Variants in BBS1 observed in about 807,000 individuals in gnomAD.
The protein encoded by BBS1 is BBSome complex member BBS1.
Under a neutral mutation model 73.9 loss-of-function variants are expected in BBS1, and 60 were observed. The observed-to-expected ratio is 0.81, with a 90% CI of 0.66 to 1.01. The LOEUF (loss-of-function observed/expected upper bound fraction) is 1.01. Ranked by LOEUF, BBS1 falls within the 50% of genes least tolerant of loss-of-function variation. BBS1 has a pLI of 0.00. For synonymous variants in BBS1, 283 were observed against 317.4 expected, an observed-to-expected ratio of 0.89 and a Z score of 1.15; for missense variants, 718 against 770.3, an observed-to-expected ratio of 0.93 and a Z score of 0.80.
chr11:66,522,720 AT>A, intron 9 of BBS1: 1 of 205,330 alleles, frequency 4.9e-6, no homozygotes, highest in South Asian at 8.3e-5. Flanking sequence ...GGTATTAGGG[AT>A]ATATTGATGA....
chr11:66,521,404 G>A (rs1013081160), intron 9 of BBS1, 28 bp downstream of exon 9: 7 of 1,571,400 alleles, frequency 4.5e-6, no homozygotes, highest in Admixed American at 1.7e-5. Flanking sequence ...CTCCGGGGCC[G>A]GGAGGAACAT....
chr11:66,526,919 CTAGGTAGG>C (rs1856537034), intron 13 of BBS1, 112 bp downstream of exon 13: 1 of 1,604,524 alleles, frequency 6.2e-7, no homozygotes, highest in East Asian at 2.2e-5. Flanking sequence ...TCTCGGCCAA[CTAGGTAGG>C]TCACTCACCT....
At chr11:66,524,912 G>A (rs1298239510) in intron 11 of BBS1, among the ~76,000 whole-genome samples, 7 of 151,698 alleles carry the variant, frequency 4.6e-5, no homozygotes, top group African/African-American at 7.3e-5. Context: ...CAAATTAGCC[G>A]GGTATGGGCC....
intron 13 of BBS1, chr11:66,527,681 A>T (rs933381168): frequency 6.6e-6 from 1 of 152,342 alleles, no homozygotes; most frequent in Non-Finnish European, 1.5e-5. Flanking sequence ...AAAAAAAAAA[A>T]AAAAAAAAAA....
intron 15 of BBS1, 76 bp from the exon 16 acceptor site, chr11:66,531,580 C>T (rs1018760093): frequency 1.0e-5 from 16 of 1,584,912 alleles, no homozygotes; most frequent in East Asian, 2.2e-5. Flanking sequence ...GTGGAGACTG[C>T]GGGCCTGAAT....
At chr11:66,526,845 C>T (rs781066359) in intron 13 of BBS1, 38 bp downstream of exon 13, 3 of 1,614,068 alleles carry the variant, frequency 1.9e-6, no homozygotes, top group African/African-American at 1.3e-5. Context: ...TCTTCCTCCT[C>T]CACTGCTCCT....
Position 66,510,645 on chromosome 11 carries a change from A to T in BBS1, c.-15A>T, listed in dbSNP as rs1428870654. 1 of 1,614,094 alleles carries T rather than the reference A, an allele frequency of 6.2e-7. No individual in the cohort carries two copies. Among genetic ancestry groups the T allele is most frequent in the Admixed American group, 1.7e-5 (1 of 60,022 alleles). ...CGCGAGGGCGGGGCCGGTTGCCAGG[A>T]CGACGCCTGCGAAGATGGCCGCTGC... On this transcript the variant is annotated 5_prime_UTR_variant, in exon 1 of 17. Transcript: ENST00000318312.
chr11:66,529,808 C>T lies in BBS1; in HGVS notation c.1340-11C>T. 6.2e-7 allele frequency: 1 copy of T among 1,610,636 alleles called. No individual in the cohort carries two copies. The highest frequency in any genetic ancestry group is 8.5e-7 in the Non-Finnish European group (1 of 1,179,960). On this transcript the variant is annotated splice_polypyrimidine_tract_variant and intron_variant, in intron 13 of 16. Coordinates refer to ENST00000318312, the MANE Select transcript of BBS1 (RefSeq NM_024649.5). Reference sequence around the variant, plus strand: ...ACCTCCACCGTCAGCCTCTGGGACCCTTCTCCACAGCCATGCACCGGGCCT... The same window carrying T: ...ACCTCCACCGTCAGCCTCTGGGACCTTTCTCCACAGCCATGCACCGGGCCT...
intron 3 of BBS1, among the ~76,000 whole-genome samples, chr11:66,512,194 A>T (rs1211234339): frequency 6.6e-6 from 1 of 151,988 alleles, no homozygotes; most frequent in East Asian, 1.9e-4. Context: ...CCATTTCTGG[A>T]CTAGACATTC....
At chr11:66,531,179 A>G in intron 15 of BBS1, 151 bp downstream of exon 15, 1 of 1,158,226 alleles carries the variant, frequency 8.6e-7, no homozygotes, top group Non-Finnish European at 1.2e-6. Context: ...AGACCAGGCC[A>G]AGGCCCCAGT....
intron 3 of BBS1, among the ~76,000 whole-genome samples, chr11:66,511,881 C>A (rs1855954431): frequency 6.6e-6 from 1 of 151,388 alleles, no homozygotes; most frequent in Non-Finnish European, 1.5e-5. Context: ...CACCTGTAAT[C>A]CCAGCTACTT....
At chr11:66,531,553 A>G in intron 15 of BBS1, 103 bp from the exon 16 acceptor site, 2 of 1,466,268 alleles carry the variant, frequency 1.4e-6, no homozygotes, top group South Asian at 2.3e-5. Flanking sequence ...CCCACCCTGC[A>G]GGGGTGCTGA....
At chr11:66,514,116 T>C (rs1239776257) in intron 3 of BBS1, among the ~76,000 whole-genome samples, 1 of 152,196 alleles carries the variant, frequency 6.6e-6, no homozygotes. Flanking sequence ...GAATGAATAA[T>C]AAAAACATCA....
chr11:66,515,982 T>G, intron 7 of BBS1, 49 bp downstream of exon 7: 1 of 1,582,704 alleles, frequency 6.3e-7, no homozygotes, highest in Middle Eastern at 1.7e-4. Flanking sequence ...TTTACATTTT[T>G]TTAAAAGACC....
At chr11:66,527,116 C>T in intron 13 of BBS1, 1 of 1,149,298 alleles carries the variant, frequency 8.7e-7, no homozygotes, top group Non-Finnish European at 1.3e-6. Context: ...GTGGCTCACG[C>T]CTGTAATCCC....
chr11:66,523,416 G>A, intron 9 of BBS1, 40 bp from the exon 10 acceptor site: 1 of 1,614,108 alleles, frequency 6.2e-7, no homozygotes, highest in Non-Finnish European at 8.5e-7. Flanking sequence ...AAGTGGAGAG[G>A]ATTTCTCTGG....
intron 7 of BBS1, among the ~76,000 whole-genome samples, chr11:66,517,605 C>G (rs1370533818): frequency 6.6e-6 from 1 of 150,610 alleles, no homozygotes; most frequent in Non-Finnish European, 1.5e-5. Flanking sequence ...GTAGCTGAGA[C>G]TACAGGCGCA....
intron 7 of BBS1, among the ~76,000 whole-genome samples, chr11:66,516,669 A>G (rs2134775245): frequency 6.6e-6 from 1 of 151,898 alleles, no homozygotes; most frequent in African/African-American, 2.4e-5. Flanking sequence ...TCCCCCTTCA[A>G]CCTCCTGAGT....
rs1856855388 is a variant in BBS1, at chr11:66,533,267, AC to A, written c.*1231del. 1 of 152,236 alleles carries A rather than the reference AC, an allele frequency of 6.6e-6. No homozygotes were observed. The highest frequency in any genetic ancestry group is 6.5e-5 in the Admixed American group (1 of 15,290). 9.4% of individuals were successfully genotyped at this position (152,236 alleles called of 1,614,324 possible). On this transcript the variant is annotated 3_prime_UTR_variant, in exon 17 of 17. Coordinates refer to ENST00000318312, the MANE Select transcript of BBS1 (RefSeq NM_024649.5). ...TTCTAAAACATACTTATTTAAAAACACATACCCACTTACTAATGTGGAATTA... is the reference window on the plus strand; with the variant it reads ...TTCTAAAACATACTTATTTAAAAACAATACCCACTTACTAATGTGGAATTA...
Sources: gnomAD v4.1 joint callset for allele counts (sites outside exome capture counted in the v4.1 genomes callset) on GRCh38, gnomAD v4.1.1 for gene constraint, MANE v1.5 for transcripts, NCBI Gene and HGNC (gene_info 2026-07-23, HGNC 2026-07-21) for gene names.